Variants in MDGA2 observed in about 807,000 individuals in gnomAD.
The protein encoded by MDGA2 is MAM domain containing glycosylphosphatidylinositol anchor 2.
In MDGA2, 40 loss-of-function variants were observed where a neutral mutation model predicts 117.8. The ratio of observed to expected loss-of-function variants is 0.34; its 90% CI spans 0.26 to 0.44. The LOEUF is 0.44. MDGA2 is among the 20% of genes least tolerant of loss of function. The pLI is 1.00. For synonymous variants in MDGA2, 452 were observed against 439.0 expected (o/e 1.03, Z -0.37); for missense variants, 1,123 against 1,250.6 (o/e 0.90, Z 1.54).
At chr14:47,121,553 A>G (rs947135965) in intron 5 of MDGA2, among the ~76,000 whole-genome samples, 14 of 152,258 alleles carry the variant, frequency 9.2e-5, no homozygotes, top group African/African-American at 3.1e-4. Context: ...AAAAAGGAAA[A>G]TTGATGAGCT....
At chr14:46,887,807 T>G (rs868531691) in intron 10 of MDGA2, among the ~76,000 whole-genome samples, 5 of 152,038 alleles carry the variant, frequency 3.3e-5, no homozygotes, top group Middle Eastern at 3.4e-3. Flanking sequence ...TGCTATGATT[T>G]TAAAAGATAG....
chr14:46,978,955 T>C (rs1886568035), intron 8 of MDGA2, among the ~76,000 whole-genome samples: 1 of 152,164 alleles, frequency 6.6e-6, no homozygotes, highest in South Asian at 2.1e-4. Context: ...ACATACCTTG[T>C]TTTATTGTGC....
intron 1 of MDGA2, chr14:47,343,078 C>T (rs1016176372): frequency 1.0e-5 from 13 of 1,277,076 alleles, no homozygotes; most frequent in South Asian, 1.3e-5. Flanking sequence ...GGGATTCATA[C>T]TTGAACATGG....
rs553011763 is a variant in MDGA2, at chr14:47,442,646, A to G, written c.281-141096T>C. On this transcript the variant is annotated intron_variant, in intron 1 of 16. Coordinates refer to ENST00000399232, the MANE Select transcript of MDGA2 (RefSeq NM_001113498.3). ...TTAAAGGCATTAAATAGTGAGGCACAGCAAACGGAATGTAGGCACCATGAA... is the reference window on the plus strand; with the variant it reads ...TTAAAGGCATTAAATAGTGAGGCACGGCAAACGGAATGTAGGCACCATGAA... Among the ~76,000 whole-genome samples, 13 of 152,278 alleles carry G rather than the reference A, an allele frequency of 8.5e-5. No individual in the cohort carries two copies. In the South Asian group the frequency reaches 1.2e-3, roughly 15 times the overall value.
At chr14:47,615,099 G>A (rs1020291996) in intron 1 of MDGA2, among the ~76,000 whole-genome samples, 12 of 150,318 alleles carry the variant, frequency 8.0e-5, no homozygotes, top group South Asian at 4.2e-4. Flanking sequence ...TCATATTCCT[G>A]ATGTGGTATT....
intron 6 of MDGA2, among the ~76,000 whole-genome samples, chr14:47,064,443 G>A (rs776951743): frequency 6.6e-6 from 1 of 152,024 alleles, no homozygotes; most frequent in Non-Finnish European, 1.5e-5. Flanking sequence ...AAAAAGAAAT[G>A]TTCAGATAAA....
chr14:47,342,256 T>TTATATATATATATA (rs10536485), intron 1 of MDGA2, among the ~76,000 whole-genome samples: 8 of 134,076 alleles, frequency 6.0e-5, no homozygotes, highest in African/African-American at 2.1e-4. Context: ...CACAAAATGT[T>TTATATATATATATA]TATATATATA....
At chr14:47,362,681 T>C (rs981013600) in intron 1 of MDGA2, among the ~76,000 whole-genome samples, 1 of 152,128 alleles carries the variant, frequency 6.6e-6, no homozygotes, top group African/African-American at 2.4e-5. Flanking sequence ...TTTGAAGAAA[T>C]ATTTCATCAT....
In MDGA2 at chr14:47,592,487, C is replaced by G. The variant is rs139309043; in HGVS notation, c.280+82030G>C. Reference sequence around the variant, plus strand: ...AGGCATCCTGTTACCTGACTTCAAACTATACCACAAGGCTACAGTAACCAA... The same window carrying G: ...AGGCATCCTGTTACCTGACTTCAAAGTATACCACAAGGCTACAGTAACCAA... On this transcript the variant is annotated intron_variant, in intron 1 of 16. Transcript: ENST00000399232. Among the ~76,000 whole-genome samples the G allele has an allele frequency of 3.9e-3, 594 of 152,252 alleles. 3 individuals carry two copies. Among genetic ancestry groups the G allele is most frequent in the African/African-American group, 0.013 (555 of 41,552 alleles).
chr14:47,169,004 T>G (rs2139310371), intron 3 of MDGA2, among the ~76,000 whole-genome samples: 1 of 152,220 alleles, frequency 6.6e-6, no homozygotes, highest in African/African-American at 2.4e-5. Context: ...ATTAAGTGGC[T>G]AATTCAGATA....
chr14:46,881,026 A>G (rs1258273236), intron 11 of MDGA2, among the ~76,000 whole-genome samples: 4 of 151,548 alleles, frequency 2.6e-5, no homozygotes, highest in African/African-American at 9.7e-5. Context: ...ACACACACAC[A>G]CACACACACA....
intron 8 of MDGA2, among the ~76,000 whole-genome samples, chr14:46,968,938 T>G (rs1399769633): frequency 6.6e-6 from 1 of 151,134 alleles, no homozygotes; most frequent in East Asian, 1.9e-4. Context: ...TATATACCAA[T>G]AATGAACTAG....
chr14:47,012,554 A>G (rs1887930757), intron 8 of MDGA2, among the ~76,000 whole-genome samples: 1 of 152,180 alleles, frequency 6.6e-6, no homozygotes, highest in South Asian at 2.1e-4. Flanking sequence ...ATAAAAATAC[A>G]TGTACATTTG....
At chr14:47,429,007 T>A (rs1892745837) in intron 1 of MDGA2, among the ~76,000 whole-genome samples, 2 of 151,972 alleles carry the variant, frequency 1.3e-5, no homozygotes, top group Admixed American at 1.3e-4. Flanking sequence ...GGTGGATCGC[T>A]TGAGGTCAGA....
intron 3 of MDGA2, among the ~76,000 whole-genome samples, chr14:47,176,892 A>C (rs1481329445): frequency 6.6e-6 from 1 of 152,216 alleles, no homozygotes; most frequent in Non-Finnish European, 1.5e-5. Context: ...AAATTTTCGC[A>C]ACCTACTCAT....
chr14:47,226,216 C>G (rs1254684665), intron 2 of MDGA2, among the ~76,000 whole-genome samples: 2 of 142,858 alleles, frequency 1.4e-5, no homozygotes, highest in African/African-American at 2.6e-5. Flanking sequence ...ACTGTCTCAC[C>G]ATAAATAAAT....
At chr14:47,295,687 C>A (rs1305196233) in intron 2 of MDGA2, among the ~76,000 whole-genome samples, 1 of 151,848 alleles carries the variant, frequency 6.6e-6, no homozygotes, top group Admixed American at 6.6e-5. Flanking sequence ...GCGAATCACC[C>A]GAGGTCAGGA....
At chr14:47,262,478 G>A (rs927283541) in intron 2 of MDGA2, among the ~76,000 whole-genome samples, 2 of 152,172 alleles carry the variant, frequency 1.3e-5, no homozygotes, top group African/African-American at 2.4e-5. Flanking sequence ...ACTGTTTGAT[G>A]TTATTATTAA....
chr14:46,899,603 G>GA (rs879423703), intron 10 of MDGA2, among the ~76,000 whole-genome samples: 3,860 of 145,968 alleles, frequency 0.026, 142 homozygotes, highest in African/African-American at 0.071. Flanking sequence ...AATAATGATA[G>GA]AAAAAAAAAA....
Sources: allele counts gnomAD v4.1 joint callset (sites outside exome capture counted in the v4.1 genomes callset), GRCh38; gene constraint gnomAD v4.1.1; transcripts MANE v1.5; gene names NCBI Gene and HGNC (gene_info 2026-07-23, HGNC 2026-07-21).